SAMD12: variants seen among roughly 807,000 people sequenced by gnomAD.
SAMD12 encodes sterile alpha motif domain containing 12.
Under a neutral mutation model 15.0 loss-of-function variants are expected in SAMD12, and 9 were observed. That is an observed-to-expected ratio of 0.60 (90% CI 0.36 to 1.05). SAMD12 has a LOEUF of 1.05. SAMD12 is among the 50% of genes least tolerant of loss of function. The pLI, the probability that SAMD12 is intolerant of heterozygous loss-of-function variation, is 0.01. For synonymous variants in SAMD12, 86 were observed against 90.1 expected, an observed-to-expected ratio of 0.96 and a Z score of 0.25; for missense variants, 230 against 234.2, an observed-to-expected ratio of 0.98 and a Z score of 0.12.
chr8:118,253,246 G>A (rs187790794), intron 4 of SAMD12, among the ~76,000 whole-genome samples: 1 of 152,256 alleles, frequency 6.6e-6, no homozygotes, highest in African/African-American at 2.4e-5. Flanking sequence ...GAAAGGCAGT[G>A]TACTATTAGC....
chr8:118,621,771 A>C (rs1217657547), intron 1 of SAMD12, 33 bp downstream of exon 1: 1 of 1,612,682 alleles, frequency 6.2e-7, no homozygotes. Flanking sequence ...GCGGGTTAAG[A>C]GGGAGCTTAA....
intron 4 of SAMD12, among the ~76,000 whole-genome samples, chr8:118,353,713 T>A (rs1179903751): frequency 6.6e-6 from 1 of 152,144 alleles, no homozygotes; most frequent in Non-Finnish European, 1.5e-5. Context: ...TCCATTTCCT[T>A]TCCCCACCCC....
At chr8:118,567,270 A>G (rs557785438) in intron 2 of SAMD12, among the ~76,000 whole-genome samples, 2 of 152,210 alleles carry the variant, frequency 1.3e-5, no homozygotes, top group African/African-American at 4.8e-5. Context: ...ATGGTATTTG[A>G]AGATAAGTCA....
Position 118,344,155 on chromosome 8 carries a change from A to C in SAMD12, c.433+35405T>G, listed in dbSNP as rs150843014. 7.6e-3 allele frequency among the ~76,000 whole-genome samples: 1,159 copies of C among 152,278 alleles called. 9 individuals carry two copies. The highest frequency in any genetic ancestry group is 0.014 in the Middle Eastern group (4 of 294). ...CAGAGGAAGCCCTGTAGGTCTTTAC[A>C]TTCATTGTTGACTTTCTGACTCACT... On this transcript the variant is annotated intron_variant, in intron 4 of 4. Coordinates refer to the SAMD12 transcript ENST00000409003.
chr8:118,147,906 T>C, the SAMD12 span, among the ~76,000 whole-genome samples: 1 of 148,924 alleles, frequency 6.7e-6, no homozygotes, highest in Non-Finnish European at 1.5e-5. Context: ...GCTGAATTTT[T>C]TTTTTCTGTG....
At chr8:118,207,606 A>G (rs1251624381) in intron 4 of SAMD12, among the ~76,000 whole-genome samples, 1 of 152,000 alleles carries the variant, frequency 6.6e-6, no homozygotes, top group East Asian at 1.9e-4. Context: ...AATTTCTCTC[A>G]TTGCTTCTAC....
At chr8:118,205,929 A>G (rs17484881) in intron 4 of SAMD12, among the ~76,000 whole-genome samples, 2,323 of 152,304 alleles carry the variant, frequency 0.015, 59 homozygotes, top group African/African-American at 0.053. Flanking sequence ...GGGAAAAAAA[A>G]GGACATTGTA....
intron 4 of SAMD12, among the ~76,000 whole-genome samples, chr8:118,369,630 G>A (rs990787345): frequency 7.9e-5 from 12 of 152,080 alleles, no homozygotes; most frequent in African/African-American, 2.7e-4. Flanking sequence ...CAGGAGAATC[G>A]CTTGAACCTA....
the SAMD12 span, among the ~76,000 whole-genome samples, chr8:118,151,890 C>T: frequency 2.0e-5 from 3 of 149,204 alleles, no homozygotes; most frequent in Non-Finnish European, 4.5e-5. Context: ...AAAGATATAA[C>T]ATGGGGAGCT....
chr8:118,529,706 G>A (rs955093609), intron 2 of SAMD12, among the ~76,000 whole-genome samples: 1 of 152,118 alleles, frequency 6.6e-6, no homozygotes, highest in African/African-American at 2.4e-5. Context: ...CATTCATCTT[G>A]CTGCAAAAGC....
intron 4 of SAMD12, among the ~76,000 whole-genome samples, chr8:118,302,448 G>T (rs1233439764): frequency 6.6e-6 from 1 of 152,098 alleles, no homozygotes; most frequent in Non-Finnish European, 1.5e-5. Context: ...ATAACGAGAG[G>T]ATATATAATA....
chr8:118,397,797 A>C (rs1479810332), intron 3 of SAMD12, among the ~76,000 whole-genome samples: 2 of 152,060 alleles, frequency 1.3e-5, no homozygotes, highest in Non-Finnish European at 2.9e-5. Flanking sequence ...TTGCAAATTA[A>C]TTAATTAATT....
At chr8:118,314,694 G>A (rs189100047) in intron 4 of SAMD12, among the ~76,000 whole-genome samples, 1 of 152,066 alleles carries the variant, frequency 6.6e-6, no homozygotes, top group South Asian at 2.1e-4. Context: ...ATTCCCTTGA[G>A]ATTTTTCCAG....
intron 4 of SAMD12, among the ~76,000 whole-genome samples, chr8:118,249,903 C>T (rs986819974): frequency 1.3e-5 from 2 of 152,096 alleles, no homozygotes; most frequent in African/African-American, 4.8e-5. Context: ...ATCCAGAGTG[C>T]TGTTGGCCTC....
chr8:118,500,608 C>A (rs566891355), intron 2 of SAMD12, among the ~76,000 whole-genome samples: 3 of 151,994 alleles, frequency 2.0e-5, no homozygotes, highest in South Asian at 2.1e-4. Context: ...GAGTTCAAGG[C>A]CAGCCCGGTT....
chr8:118,590,289 C>T (rs1317955277), intron 1 of SAMD12, among the ~76,000 whole-genome samples: 1 of 152,232 alleles, frequency 6.6e-6, no homozygotes, highest in Non-Finnish European at 1.5e-5. Context: ...CCTAGACTCA[C>T]ACCCTCACCA....
At chr8:118,479,729 T>A (rs555934059) in intron 2 of SAMD12, among the ~76,000 whole-genome samples, 1 of 152,036 alleles carries the variant, frequency 6.6e-6, no homozygotes, top group African/African-American at 2.4e-5. Context: ...ACTGCATCCA[T>A]GAGCACCAGC....
At chr8:118,444,791 CT>C in intron 2 of SAMD12, among the ~76,000 whole-genome samples, 1 of 152,078 alleles carries the variant, frequency 6.6e-6, no homozygotes, top group Non-Finnish European at 1.5e-5. Context: ...TTCAACTATC[CT>C]TTAGCTTATC....
intron 3 of SAMD12, among the ~76,000 whole-genome samples, chr8:118,391,223 A>G (rs1161710345): frequency 6.6e-6 from 1 of 152,228 alleles, no homozygotes; most frequent in Non-Finnish European, 1.5e-5. Flanking sequence ...TGTACCTCAG[A>G]GCAGATTTTT....
Sources: allele counts gnomAD v4.1 joint callset (sites outside exome capture counted in the v4.1 genomes callset), GRCh38; gene constraint gnomAD v4.1.1; transcripts MANE v1.5; gene names NCBI Gene and HGNC (gene_info 2026-07-23, HGNC 2026-07-21).